The following MTSS1 variants were observed in gnomAD, a reference collection of about 807,000 sequenced individuals.
MTSS1 encodes the protein protein MTSS 1.
A neutral mutation model predicts 79.0 loss-of-function variants in MTSS1; 18 were observed. That is an observed-to-expected ratio of 0.23 (90% CI 0.16 to 0.34). The LOEUF (loss-of-function observed/expected upper bound fraction) is 0.34. MTSS1 is among the 10% of genes least tolerant of loss of function. MTSS1 has a pLI of 1.00. For missense variants in MTSS1, 815 were observed against 986.2 expected (o/e 0.83, Z 2.33); for synonymous variants, 341 against 368.6 (o/e 0.93, Z 0.86).
At chr8:124,655,833 AT>A (rs1820834809) in intron 3 of MTSS1, among the ~76,000 whole-genome samples, 1 of 152,200 alleles carries the variant, frequency 6.6e-6, no homozygotes, top group South Asian at 2.1e-4. Flanking sequence ...AGGGAACCAC[AT>A]TCCAAGAGGG....
intron 3 of MTSS1, among the ~76,000 whole-genome samples, chr8:124,675,098 C>T (rs1017369380): frequency 6.6e-6 from 1 of 152,234 alleles, no homozygotes; most frequent in African/African-American, 2.4e-5. Context: ...CAAGGCTGAG[C>T]TAGCCTCCGC....
At chr8:124,625,723 G>A (rs1175056278) in intron 3 of MTSS1, among the ~76,000 whole-genome samples, 1 of 152,256 alleles carries the variant, frequency 6.6e-6, no homozygotes, top group Non-Finnish European at 1.5e-5. Flanking sequence ...CCAGCTGCAA[G>A]TGTAGCTATG....
intron 3 of MTSS1, among the ~76,000 whole-genome samples, chr8:124,600,966 C>T (rs192206366): frequency 1.6e-4 from 24 of 152,196 alleles, no homozygotes; most frequent in African/African-American, 5.5e-4. Flanking sequence ...AGTGAGCCTC[C>T]ATCCTCTGCC....
At position 124,552,764 on chromosome 8, in the gene MTSS1, A is replaced by G. The variant is rs1822728659; in HGVS notation, c.*228T>C. 2 of 473,092 alleles carry G rather than the reference A, an allele frequency of 4.2e-6. No individual in the cohort carries two copies. Among genetic ancestry groups the G allele is most frequent in the Non-Finnish European group, 7.4e-6 (2 of 271,562 alleles). 29.3% of individuals were successfully genotyped at this position (473,092 alleles called of 1,614,324 possible). A position where few individuals can be genotyped will look rare whatever the true frequency, so the allele number is the denominator to read the frequency against. ...AAAATCAAAAGGGAAACTAAGATTA[A>G]AATGTGCAGAAAGAAAATTGTCAAT... On this transcript the variant is annotated 3_prime_UTR_variant, in exon 14 of 14. Transcript: ENST00000518547.
chr8:124,598,439 C>A (rs770649016), intron 3 of MTSS1, among the ~76,000 whole-genome samples: 1 of 152,194 alleles, frequency 6.6e-6, no homozygotes, highest in East Asian at 1.9e-4. Flanking sequence ...GGGGCAAACT[C>A]GTCCCTGGTG....
intron 3 of MTSS1, among the ~76,000 whole-genome samples, chr8:124,637,309 G>C (rs1487878606): frequency 6.6e-6 from 1 of 152,206 alleles, no homozygotes; most frequent in African/African-American, 2.4e-5. Context: ...AAATGGAGTG[G>C]TAACTAGAGA....
chr8:124,639,832 C>T (rs1333533332), intron 3 of MTSS1, among the ~76,000 whole-genome samples: 1 of 152,198 alleles, frequency 6.6e-6, no homozygotes, highest in Non-Finnish European at 1.5e-5. Flanking sequence ...AAAGCCTAAC[C>T]TTTCGTTCAA....
Position 124,704,160 on chromosome 8 carries a change from T to C in MTSS1, c.104A>G (p.Asn35Ser), listed in dbSNP as rs1249410802. Residue 35 changes from asparagine to serine, a missense_variant, in exon 2 of 14, where the codon AAC (asparagine) becomes AGC (serine). By Grantham distance (46) the Asn-to-Ser change is conservative. Transcript: ENST00000518547. Reference sequence around the variant, plus strand: ...CTGGGACTGCAGCTTTCCTGCTTTGTTTATGAAATCTTCCCAAACTGGATA... The same window carrying C: ...CTGGGACTGCAGCTTTCCTGCTTTGCTTATGAAATCTTCCCAAACTGGATA... ...GSYPVWEDFINKAGKLQSQLR... is the reference protein window; with the variant it reads ...GSYPVWEDFISKAGKLQSQLR... The C allele has an allele frequency of 1.9e-6, 3 of 1,614,056 alleles. No individual in the cohort carries two copies. The highest frequency in any genetic ancestry group is 2.5e-6 in the Non-Finnish European group (3 of 1,179,992).
chr8:124,569,463 C>T (rs1827271373), intron 6 of MTSS1, among the ~76,000 whole-genome samples: 1 of 152,202 alleles, frequency 6.6e-6, no homozygotes, highest in South Asian at 2.1e-4. Context: ...GCCTGCTGCC[C>T]TAAAAGATAA....
At chr8:124,645,576 G>A (rs1304629945) in intron 3 of MTSS1, among the ~76,000 whole-genome samples, 1 of 152,034 alleles carries the variant, frequency 6.6e-6, no homozygotes, top group African/African-American at 2.4e-5. Context: ...TGTTTCCGCT[G>A]GGGTATCACA....
At chr8:124,562,168 G>C (rs1825483981) in intron 10 of MTSS1, among the ~76,000 whole-genome samples, 1 of 152,208 alleles carries the variant, frequency 6.6e-6, no homozygotes, top group South Asian at 2.1e-4. Context: ...GCCAGCTCCT[G>C]CGTTCTGCTC....
intron 3 of MTSS1, among the ~76,000 whole-genome samples, chr8:124,688,925 G>A (rs1201404997): frequency 6.6e-6 from 1 of 151,402 alleles, no homozygotes; most frequent in Non-Finnish European, 1.5e-5. Context: ...TAGATACTAG[G>A]TGAGCAGAAG....
chr8:124,702,705 C>T (rs1162381931), intron 2 of MTSS1, among the ~76,000 whole-genome samples: 1 of 152,142 alleles, frequency 6.6e-6, no homozygotes, highest in Non-Finnish European at 1.5e-5. Flanking sequence ...GTCCACATGG[C>T]TCTTTATCCT....
In MTSS1 at chr8:124,727,974, GC is replaced by G; in HGVS notation, c.-20del. ...CCTCCATTTTCCCGGCTCCGGCAGG[GC>G]GAGGGCACACACGCGGGGCCGCTGG... On this transcript the variant is annotated 5_prime_UTR_variant, in exon 1 of 14. Coordinates refer to ENST00000518547, the MANE Select transcript of MTSS1 (RefSeq NM_014751.6). The surrounding 1 kb of genome is among the most constrained non-coding windows in gnomAD (Gnocchi z 4.7). The G allele has an allele frequency of 6.2e-7, 1 of 1,607,254 alleles. No individual in the cohort carries two copies. Among genetic ancestry groups the G allele is most frequent in the Non-Finnish European group, 8.5e-7 (1 of 1,177,190 alleles).
chr8:124,693,059 T>C (rs906930981), intron 3 of MTSS1, among the ~76,000 whole-genome samples: 2 of 151,834 alleles, frequency 1.3e-5, no homozygotes, highest in African/African-American at 4.8e-5. Flanking sequence ...GTCTCACAAG[T>C]GATACAGCTC....
At chr8:124,698,506 C>CT (rs148481676) in intron 3 of MTSS1, among the ~76,000 whole-genome samples, 15,114 of 124,742 alleles carry the variant, frequency 0.12, 1,140 homozygotes, top group African/African-American at 0.15. Context: ...TGTTGCTTTT[C>CT]TTTTTTTTTT....
intron 3 of MTSS1, among the ~76,000 whole-genome samples, chr8:124,627,213 A>T (rs189710863): frequency 6.6e-6 from 1 of 152,184 alleles, no homozygotes. Flanking sequence ...CTATCTAAAA[A>T]ACTGGAATCA....
rs1260869898 is a variant in MTSS1, at chr8:124,553,558, C to T, written c.1702G>A (p.Ala568Thr). Residue 568 changes from alanine to threonine, a missense_variant, in exon 14 of 14, where the codon GCC (alanine) becomes ACC (threonine). Transcript: ENST00000518547. This position sits in a 1 kb window ranked among gnomAD's most constrained non-coding sequence, Gnocchi z 6.0. ...YRRMFQAKRP[A>T]STAGLPTTLG... ...GTGGTGGGGAGGCCAGCAGTTGAGG[C>T]TGGACGCTTGGCTTGGAACATCCGT... is the stretch of plus-strand genomic sequence containing the variant. 1 of 1,614,130 alleles carries T rather than the reference C, an allele frequency of 6.2e-7. No individual in the cohort carries two copies. The highest frequency in any genetic ancestry group is 1.1e-5 in the South Asian group (1 of 91,086).
At chr8:124,592,585 CAT>C (rs1832048548) in intron 3 of MTSS1, among the ~76,000 whole-genome samples, 1 of 152,320 alleles carries the variant, frequency 6.6e-6, no homozygotes, top group African/African-American at 2.4e-5. Context: ...TTCAGCTCCA[CAT>C]GTTTTCCATT....
Sources: allele counts gnomAD v4.1 joint callset (sites outside exome capture counted in the v4.1 genomes callset), GRCh38; gene constraint gnomAD v4.1.1; non-coding constraint Gnocchi (gnomAD v3.1); transcripts MANE v1.5; gene names NCBI Gene and HGNC (gene_info 2026-07-23, HGNC 2026-07-21).